The following IFFO1 variants were observed in gnomAD, a reference collection of about 807,000 sequenced individuals.
The protein encoded by IFFO1 is intermediate filament family orphan 1.
IFFO1 carries 42 observed loss-of-function variants against 59.6 expected under a neutral mutation model. The observed-to-expected ratio is 0.70, with a 90% confidence interval of 0.55 to 0.91. IFFO1 has a LOEUF of 0.91. IFFO1 is among the 40% of genes least tolerant of loss of function. The pLI is 0.00. For missense variants in IFFO1, 711 were observed against 793.2 expected, an observed-to-expected ratio of 0.90 and a Z score of 1.24; for synonymous variants, 336 against 342.8, an observed-to-expected ratio of 0.98 and a Z score of 0.22.
At chr12:6,545,528 T>C (rs1269095978) in intron 8 of IFFO1, among the ~76,000 whole-genome samples, 1 of 151,786 alleles carries the variant, frequency 6.6e-6, no homozygotes, top group African/African-American at 2.4e-5. Flanking sequence ...ACCCCATCTC[T>C]ACTAAAAAAT....
rs898778288 is a variant in IFFO1, at chr12:6,548,961, G to A, written c.1081-112C>T. The stretch of plus-strand genomic sequence containing the variant: ...CCAGTAGGAAGGGGGGGCAGACAGA[G>A]AGAAAAGTCACAGTTACAATGACAG... On this transcript the variant is annotated intron_variant, in intron 5 of 9. Transcript: ENST00000619571. The surrounding 1 kb of genome is among the most constrained non-coding windows in gnomAD (Gnocchi z 6.1). The A allele has an allele frequency of 8.0e-6, 7 of 873,376 alleles. No individual in the cohort carries two copies. The highest frequency in any genetic ancestry group is 1.7e-5 in the South Asian group (1 of 58,990). 54.1% of individuals were successfully genotyped at this position (873,376 alleles called of 1,614,324 possible). A position where few individuals can be genotyped will look rare whatever the true frequency, so the allele number is the denominator to read the frequency against.
chr12:6,548,757 C>G lies in IFFO1; in HGVS notation c.1173G>C (p.Glu391Asp). The change falls in exon 6 of 10, where the codon GAG (glutamate) becomes GAC (aspartate). Residue 391 changes from glutamate (E) to aspartate (D), a missense_variant. Glu to Asp is a conservative substitution (Grantham distance 45, BLOSUM62 2). Coordinates refer to ENST00000619571, the MANE Select transcript of IFFO1 (RefSeq NM_001193457.2). The surrounding 1 kb of genome is among the most constrained non-coding windows in gnomAD (Gnocchi z 6.1). ...AAVEEDTSLS[E>D]SEGPRQPDGD... is the part of the protein sequence containing the mutation. ...CATCGGGCTGGCGGGGCCCCTCACT[C>G]TCCGACAGGGAGGTGTCCTCCTCGA... The G allele has an allele frequency of 6.2e-7, 1 of 1,614,070 alleles. No individual in the cohort carries two copies. Among genetic ancestry groups the G allele is most frequent in the Non-Finnish European group, 8.5e-7 (1 of 1,180,014 alleles).
At position 6,548,581 on chromosome 12, in the gene IFFO1, G is replaced by A; in HGVS notation, c.1263-36C>T. 1 of 1,613,412 alleles carries A rather than the reference G, an allele frequency of 6.2e-7. No homozygotes were observed. Among genetic ancestry groups the A allele is most frequent in the Admixed American group, 1.7e-5 (1 of 59,982 alleles). ...GGAACCCGGGTGTCAGGGCGGGCGG[G>A]GCCTCGTCCTGGCGGGGGACTGGGG... On this transcript the variant is annotated intron_variant, in intron 6 of 9. Transcript: ENST00000619571. The surrounding 1 kb of genome is among the most constrained non-coding windows in gnomAD (Gnocchi z 6.1).
In IFFO1 at chr12:6,551,056, C is replaced by G. The variant is rs867673669; in HGVS notation, c.774-55G>C. The stretch of plus-strand genomic sequence containing the variant: ...TTAGGTACAGAGTCCTTCCCTGCCC[C>G]CATGGCTCCCTGTCCCCACCTCTCT... On this transcript the variant is annotated intron_variant, in intron 1 of 9. Coordinates refer to ENST00000619571, the MANE Select transcript of IFFO1 (RefSeq NM_001193457.2). 4.7e-5 allele frequency: 74 copies of G among 1,559,192 alleles called. No homozygotes were observed. The Middle Eastern group carries it at 1.3e-3, about 28-fold the overall frequency.
Position 6,539,933 on chromosome 12 carries a change from G to T in IFFO1, c.*550C>A, listed in dbSNP as rs1047792. 28,248 of 160,654 alleles carry T rather than the reference G, an allele frequency of 0.18. 2,773 individuals carry two copies. Among genetic ancestry groups the T allele is most frequent in the East Asian group, 0.37 (1,959 of 5,268 alleles). The allele number at this position is 160,654 out of a possible 1,614,324, so 10.0% of individuals were successfully genotyped here. A position where few individuals can be genotyped will look rare whatever the true frequency, so the allele number is the denominator to read the frequency against. On this transcript the variant is annotated 3_prime_UTR_variant, in exon 10 of 10. Transcript: ENST00000619571. ...ACTCCACCTGGCAGGTGGACAGCGT[G>T]AGCACGTGGACCATAGCAGGGACAA...
intron 1 of IFFO1, among the ~76,000 whole-genome samples, chr12:6,554,171 G>A (rs765807220): frequency 4.0e-5 from 6 of 150,912 alleles, no homozygotes; most frequent in African/African-American, 1.5e-4. Context: ...TAGACCCAGC[G>A]GTCATTTCCT....
rs1475167248 is a variant in IFFO1 at position 6,549,364 on chromosome 12, G to A, written c.1080+112C>T. The A allele has an allele frequency of 9.6e-7, 1 of 1,043,742 alleles. No individual in the cohort carries two copies. The highest frequency in any genetic ancestry group is 1.6e-5 in the African/African-American group (1 of 62,508). The allele number at this position is 1,043,742 out of a possible 1,614,324, so 64.7% of individuals were successfully genotyped here. Reference sequence around the variant, plus strand: ...AAGAGCAAGGAAAAGGGAAAGGGCAGAAAAAAATCCGTGCTCAAGAGCCCA... The same window carrying A: ...AAGAGCAAGGAAAAGGGAAAGGGCAAAAAAAAATCCGTGCTCAAGAGCCCA... On this transcript the variant is annotated intron_variant, in intron 5 of 9. Coordinates refer to ENST00000619571, the MANE Select transcript of IFFO1 (RefSeq NM_001193457.2). This position sits in a 1 kb window ranked among gnomAD's most constrained non-coding sequence, Gnocchi z 5.0.
Position 6,555,443 on chromosome 12 carries a change from A to G in IFFO1, c.587T>C (p.Ile196Thr), listed in dbSNP as rs1200138655. The G allele has an allele frequency of 6.2e-7, 1 of 1,613,782 alleles. No individual in the cohort carries two copies. The highest frequency in any genetic ancestry group is 8.5e-7 in the Non-Finnish European group (1 of 1,179,858). ...CCGGCGGGCGTGCGAGAACGACCAGATGGTGCCGGGCATGAAGCGGGCCGA... is the reference window on the plus strand; with the variant it reads ...CCGGCGGGCGTGCGAGAACGACCAGGTGGTGCCGGGCATGAAGCGGGCCGA... Reference protein sequence around the residue: ...SSSARFMPGTIWSFSHARRLG... With the variant: ...SSSARFMPGTTWSFSHARRLG... Residue 196 changes from isoleucine to threonine, a missense_variant, in exon 1 of 10, where the codon ATC becomes ACC. Ile to Thr is a moderately conservative substitution (Grantham distance 89). Coordinates refer to ENST00000619571, the MANE Select transcript of IFFO1 (RefSeq NM_001193457.2). The surrounding 1 kb of genome is among the most constrained non-coding windows in gnomAD (Gnocchi z 8.6).
chr12:6,549,679 G>A lies in IFFO1; in HGVS notation c.1071+77C>T. 2 of 1,553,360 alleles carry A rather than the reference G, an allele frequency of 1.3e-6. No individual in the cohort carries two copies. Among genetic ancestry groups the A allele is most frequent in the Admixed American group, 3.5e-5 (2 of 56,970 alleles). On this transcript the variant is annotated intron_variant, in intron 4 of 9. Transcript: ENST00000619571. This position sits in a 1 kb window ranked among gnomAD's most constrained non-coding sequence, Gnocchi z 5.0. The stretch of plus-strand genomic sequence containing the variant: ...GCTCCCCAAGCAGGAGGCAGGGCCT[G>A]CGTTCCAGGCCAGCCGCCACGGAAG...
chr12:6,548,746 G>A lies in IFFO1; in HGVS notation c.1184C>T (p.Pro395Leu), dbSNP rs1947088797. Residue 395 changes from proline to leucine, a missense_variant, in exon 6 of 10, where the codon CCC becomes CTC. By Grantham distance (98) the Pro-to-Leu change is moderately conservative (BLOSUM62 -3). This residue lies in a region of IFFO1 where 579 missense variants were observed against 650.3 expected (regional missense o/e 0.89). Coordinates refer to ENST00000619571, the MANE Select transcript of IFFO1 (RefSeq NM_001193457.2). The surrounding 1 kb of genome is among the most constrained non-coding windows in gnomAD (Gnocchi z 6.1). The stretch of plus-strand genomic sequence containing the variant: ...CTCCTCATCCCCATCGGGCTGGCGG[G>A]GCCCCTCACTCTCCGACAGGGAGGT... Reference protein sequence around the residue: ...EDTSLSESEGPRQPDGDEEES... With the variant: ...EDTSLSESEGLRQPDGDEEES... 1 of 1,614,102 alleles carries A rather than the reference G, an allele frequency of 6.2e-7. No homozygotes were observed. Among genetic ancestry groups the A allele is most frequent in the African/African-American group, 1.3e-5 (1 of 75,068 alleles).
rs1423357313 is a variant in IFFO1, at chr12:6,548,249, G to A, written c.1384-89C>T. On this transcript the variant is annotated intron_variant, in intron 7 of 9. Coordinates refer to ENST00000619571, the MANE Select transcript of IFFO1 (RefSeq NM_001193457.2). The surrounding 1 kb of genome is among the most constrained non-coding windows in gnomAD (Gnocchi z 6.1). ...GGGCCAAGTCAGGGAGAGAGAGAGA[G>A]AGGAAGTCTGGTTAAAGAAACTGGA... 6.6e-6 allele frequency: 9 copies of A among 1,359,282 alleles called. No homozygotes were observed. The African/African-American group carries it at 1.1e-4, about 17-fold the overall frequency. 84.2% of individuals were successfully genotyped at this position (1,359,282 alleles called of 1,614,324 possible).
At chr12:6,554,241 A>G (rs1306087904) in intron 1 of IFFO1, among the ~76,000 whole-genome samples, 1 of 152,116 alleles carries the variant, frequency 6.6e-6, no homozygotes, top group Non-Finnish European at 1.5e-5. Flanking sequence ...CTGCATAGGT[A>G]GTTCCCAGGC....
intron 3 of IFFO1, 36 bp downstream of exon 3, chr12:6,550,659 C>T: frequency 6.4e-7 from 1 of 1,557,486 alleles, no homozygotes; most frequent in South Asian, 1.1e-5. Context: ...TCAGAAGCCT[C>T]ACTTCGACCC....
intron 1 of IFFO1, chr12:6,551,591 CCA>C: frequency 1.5e-6 from 1 of 676,836 alleles, no homozygotes; most frequent in Admixed American, 2.3e-5. Flanking sequence ...CAGAAACTAC[CCA>C]CCCAGAGCCT....
chr12:6,550,211 T>G (rs1194198405), intron 3 of IFFO1: 13 of 343,280 alleles, frequency 3.8e-5, no homozygotes, highest in East Asian at 5.0e-5. Flanking sequence ...AGAACTTACA[T>G]TCCCAGAGAG....
At position 6,555,493 on chromosome 12, in the gene IFFO1, G is replaced by A. The variant is rs753369629; in HGVS notation, c.537C>T (p.Thr179=). Residue 179 remains threonine (T), a synonymous_variant, in exon 1 of 10, where the codon ACC becomes ACT. Coordinates refer to ENST00000619571, the MANE Select transcript of IFFO1 (RefSeq NM_001193457.2). This position sits in a 1 kb window ranked among gnomAD's most constrained non-coding sequence, Gnocchi z 8.6. ...PSAASLSSSS[T]STSTTYSSSA... ...ACGAGGAATAGGTGGTGGAGGTGGA[G>A]GTGGAGGACGACGAGAGGCTGGCCG... 34 of 1,605,944 alleles carry A rather than the reference G, an allele frequency of 2.1e-5. No individual in the cohort carries two copies. In the South Asian group the frequency reaches 3.1e-4, roughly 15 times the overall value.
chr12:6,551,588 T>C (rs1289006667), intron 1 of IFFO1: 5 of 744,420 alleles, frequency 6.7e-6, no homozygotes, highest in Non-Finnish European at 1.0e-5. Context: ...CTCCAGAAAC[T>C]ACCCACCCAG....
chr12:6,541,497 A>G lies in IFFO1; in HGVS notation c.1610+15T>C. ...TGTCCCCCTGGAAGGCCCCATGCCC[A>G]GGGGAGGCGCCTACCGGTCTCCAGA... On this transcript the variant is annotated intron_variant, in intron 9 of 9. Coordinates refer to ENST00000619571, the MANE Select transcript of IFFO1 (RefSeq NM_001193457.2). The surrounding 1 kb of genome is among the most constrained non-coding windows in gnomAD (Gnocchi z 4.8). 5.0e-6 allele frequency: 8 copies of G among 1,612,818 alleles called. No individual in the cohort carries two copies. Among genetic ancestry groups the G allele is most frequent in the Non-Finnish European group, 6.8e-6 (8 of 1,179,940 alleles).
In IFFO1 at chr12:6,555,222, C is replaced by T. The variant is rs1187147778; in HGVS notation, c.773+35G>A. ...TCGCGGCCCGTTGTGAGTGGTATGA[C>T]ACAGAGAGACCTGTCCCCCTTTCCC... On this transcript the variant is annotated intron_variant, in intron 1 of 9. Coordinates refer to ENST00000619571, the MANE Select transcript of IFFO1 (RefSeq NM_001193457.2). This position sits in a 1 kb window ranked among gnomAD's most constrained non-coding sequence, Gnocchi z 8.6. The T allele has an allele frequency of 1.2e-6, 2 of 1,606,308 alleles. No homozygotes were observed. Among genetic ancestry groups the T allele is most frequent in the Admixed American group, 1.7e-5 (1 of 59,978 alleles).
Sources: gnomAD v4.1 joint callset for allele counts (sites outside exome capture counted in the v4.1 genomes callset) on GRCh38, gnomAD v4.1.1 for gene constraint, gnomAD v4.1.1 regional missense constraint, Gnocchi (gnomAD v3.1) non-coding constraint, MANE v1.5 for transcripts, NCBI Gene and HGNC (gene_info 2026-07-23, HGNC 2026-07-21) for gene names.